MIS18BP1: variants seen among roughly 807,000 people sequenced by gnomAD.
MIS18BP1 encodes mis18-binding protein 1.
In MIS18BP1, 72 loss-of-function variants were observed where a neutral mutation model predicts 116.1. The ratio of observed to expected loss-of-function variants is 0.62; its 90% CI spans 0.51 to 0.75. MIS18BP1 has a LOEUF of 0.75. Among genes scored for constraint, MIS18BP1 ranks in the 30% least tolerant of loss-of-function variants. The pLI is 0.00. For synonymous variants in MIS18BP1, 386 were observed against 427.0 expected (o/e 0.90, Z 1.18); for missense variants, 1,363 against 1,303.2 (o/e 1.05, Z -0.71).
At chr14:45,207,795 C>T (rs994234147) in intron 14 of MIS18BP1, among the ~76,000 whole-genome samples, 4 of 152,100 alleles carry the variant, frequency 2.6e-5, no homozygotes, top group East Asian at 1.9e-4. Context: ...ATGAAAAGTA[C>T]GTCAATTACT....
chr14:45,238,279 T>C (rs1248744464), intron 4 of MIS18BP1, among the ~76,000 whole-genome samples: 1 of 152,078 alleles, frequency 6.6e-6, no homozygotes, highest in Middle Eastern at 3.2e-3. Context: ...ATCATTCTAA[T>C]GGAAAACATT....
intron 10 of MIS18BP1, among the ~76,000 whole-genome samples, chr14:45,225,059 C>T (rs1891089313): frequency 6.6e-6 from 1 of 152,188 alleles, no homozygotes; most frequent in Non-Finnish European, 1.5e-5. Context: ...AAAATCTCAA[C>T]TATATTCTAT....
At chr14:45,233,993 C>T (rs1891356947) in intron 6 of MIS18BP1, among the ~76,000 whole-genome samples, 1 of 152,016 alleles carries the variant, frequency 6.6e-6, no homozygotes, top group African/African-American at 2.4e-5. Context: ...GAGCCCCAAG[C>T]TACCCCATTA....
intron 1 of MIS18BP1, among the ~76,000 whole-genome samples, chr14:45,252,716 C>T (rs1339697713): frequency 2.0e-5 from 3 of 151,718 alleles, no homozygotes; most frequent in Non-Finnish European, 4.4e-5. Context: ...TCCTGGGGTC[C>T]CAAGGGGAAG....
chr14:45,206,417 G>C (rs551825299), intron 14 of MIS18BP1: 2 of 355,364 alleles, frequency 5.6e-6, no homozygotes, highest in South Asian at 3.2e-5. Flanking sequence ...CTCCCAAGTA[G>C]CTTGGACTAC....
Position 45,203,988 on chromosome 14 carries a change from C to CA in MIS18BP1, c.*120dup. The stretch of plus-strand genomic sequence containing the variant: ...TTTGAACACAAACATATGAAACCTT[C>CA]AAAAAAGTCCACATTTTCATAGGAA... On this transcript the variant is annotated 3_prime_UTR_variant, in exon 17 of 17. Coordinates refer to ENST00000310806, the MANE Select transcript of MIS18BP1 (RefSeq NM_018353.5). 7.1e-7 allele frequency: 1 copy of CA among 1,406,270 alleles called. No homozygotes were observed. Among genetic ancestry groups the CA allele is most frequent in the Non-Finnish European group, 9.4e-7 (1 of 1,059,280 alleles). 87.1% of individuals were successfully genotyped at this position (1,406,270 alleles called of 1,614,324 possible).
chr14:45,206,384 T>C, intron 14 of MIS18BP1: 1 of 429,660 alleles, frequency 2.3e-6, no homozygotes, highest in Non-Finnish European at 4.2e-6. Flanking sequence ...CCTCCTGGGC[T>C]CAAGTGATCC....
intron 7 of MIS18BP1, among the ~76,000 whole-genome samples, chr14:45,232,026 A>G (rs976919348): frequency 1.7e-4 from 26 of 152,230 alleles, no homozygotes; most frequent in African/African-American, 6.3e-4. Flanking sequence ...ACATATGTCA[A>G]AAGTTTTATT....
At chr14:45,211,587 A>G (rs577684162) in intron 13 of MIS18BP1, among the ~76,000 whole-genome samples, 127 of 152,304 alleles carry the variant, frequency 8.3e-4, no homozygotes, top group Admixed American at 3.7e-3. Context: ...ATAAAACTCT[A>G]TCACACCTTG....
intron 15 of MIS18BP1, among the ~76,000 whole-genome samples, chr14:45,204,661 C>T (rs1026787577): frequency 2.0e-5 from 3 of 151,958 alleles, no homozygotes; most frequent in Non-Finnish European, 4.4e-5. Flanking sequence ...TGTTGTTTCC[C>T]AGTGCTGGCA....
chr14:45,243,884 T>TG (rs1334513338), intron 2 of MIS18BP1, among the ~76,000 whole-genome samples: 1 of 152,162 alleles, frequency 6.6e-6, no homozygotes, highest in African/African-American at 2.4e-5. Context: ...TTATATTTTC[T>TG]GGGGGAAAGG....
At chr14:45,224,864 T>G (rs1891083649) in intron 10 of MIS18BP1, 118 bp from the exon 11 acceptor site, 3 of 741,008 alleles carry the variant, frequency 4.0e-6, no homozygotes, top group East Asian at 5.5e-5. Flanking sequence ...CGAGCTACAC[T>G]GTATACCCAC....
chr14:45,249,826 G>A (rs995227289), intron 1 of MIS18BP1, among the ~76,000 whole-genome samples: 63 of 152,098 alleles, frequency 4.1e-4, no homozygotes, highest in Non-Finnish European at 4.6e-4. Flanking sequence ...AGCTGAGATC[G>A]CACCACCACT....
rs545703904 is a variant in MIS18BP1 at position 45,223,711 on chromosome 14, C to T, written c.2669+207G>A. On this transcript the variant is annotated intron_variant, in intron 11 of 16. Coordinates refer to ENST00000310806, the MANE Select transcript of MIS18BP1 (RefSeq NM_018353.5). ...CACTTTTACTTTCCTCATACTTAGGCTTTCCTCGTACTTTCCTCGTATTAG... is the reference window on the plus strand; with the variant it reads ...CACTTTTACTTTCCTCATACTTAGGTTTTCCTCGTACTTTCCTCGTATTAG... Among the ~76,000 whole-genome samples the T allele has an allele frequency of 3.3e-5, 5 of 152,314 alleles. No individual in the cohort carries two copies. The East Asian group carries it at 9.6e-4, about 29-fold the overall frequency.
chr14:45,224,616 A>C lies in MIS18BP1; in HGVS notation c.1971T>G (p.Ser657=). The part of the protein sequence containing the change: ...KAYILVTPLK[S]RKVIEQRCMR... ...TGCATCTTTGCTCTATCACTTTTCTAGATTTAAGTGGTGTTACTAAAATAT... is the reference window on the plus strand; with the variant it reads ...TGCATCTTTGCTCTATCACTTTTCTCGATTTAAGTGGTGTTACTAAAATAT... The change falls in exon 11 of 17, where the codon TCT becomes TCG. Residue 657 remains serine (S), a synonymous_variant. Coordinates refer to ENST00000310806, the MANE Select transcript of MIS18BP1 (RefSeq NM_018353.5). The C allele has an allele frequency of 1.2e-6, 2 of 1,613,686 alleles. No homozygotes were observed. The highest frequency in any genetic ancestry group is 8.5e-7 in the Non-Finnish European group (1 of 1,179,870).
Position 45,237,690 on chromosome 14 carries a change from C to A in MIS18BP1, c.1175G>T (p.Ser392Ile). ...ACATATAGCAGTATTATTATTGATG[C>A]TTTTAATCATCCATTCCTGTAGCTG... is the stretch of plus-strand genomic sequence containing the variant. ...VVQLQEWMIK[S>I]INNNTAICVE... Residue 392 changes from serine to isoleucine, a missense_variant, in exon 5 of 17, where the codon AGC becomes ATC. Coordinates refer to ENST00000310806, the MANE Select transcript of MIS18BP1 (RefSeq NM_018353.5). The A allele has an allele frequency of 6.2e-7, 1 of 1,602,278 alleles. No homozygotes were observed. The highest frequency in any genetic ancestry group is 8.5e-7 in the Non-Finnish European group (1 of 1,175,810).
intron 14 of MIS18BP1, among the ~76,000 whole-genome samples, chr14:45,208,494 G>A (rs1395367200): frequency 1.3e-5 from 2 of 151,820 alleles, no homozygotes; most frequent in African/African-American, 4.8e-5. Flanking sequence ...CACCACATCC[G>A]GCTAATTTTT....
At chr14:45,216,844 T>C (rs1890831638) in intron 13 of MIS18BP1, among the ~76,000 whole-genome samples, 175 bp downstream of exon 13, 1 of 152,242 alleles carries the variant, frequency 6.6e-6, no homozygotes, top group Non-Finnish European at 1.5e-5. Context: ...GTGCAGACTC[T>C]AGAAACTAGT....
intron 7 of MIS18BP1, 162 bp from the exon 8 acceptor site, chr14:45,231,460 T>G: frequency 1.7e-6 from 1 of 573,242 alleles, no homozygotes; most frequent in Non-Finnish European, 2.9e-6. Flanking sequence ...TTTCACTCCC[T>G]TCCTTCACAA....
Sources: gnomAD v4.1 joint callset for allele counts (sites outside exome capture counted in the v4.1 genomes callset) on GRCh38, gnomAD v4.1.1 for gene constraint, MANE v1.5 for transcripts, NCBI Gene and HGNC (gene_info 2026-07-23, HGNC 2026-07-21) for gene names.